Variants in RHOBTB1 observed in about 807,000 individuals in gnomAD.
RHOBTB1 encodes rho-related BTB domain-containing protein 1.
Under a neutral mutation model 71.6 loss-of-function variants are expected in RHOBTB1, and 40 were observed. The observed-to-expected ratio is 0.56, with a 90% CI of 0.43 to 0.73. RHOBTB1 has a LOEUF of 0.73. Among genes scored for constraint, RHOBTB1 ranks in the 30% least tolerant of loss-of-function variants. The pLI, the probability that RHOBTB1 is intolerant of heterozygous loss-of-function variation, is 0.00. For missense variants in RHOBTB1, 797 were observed against 894.0 expected (o/e 0.89, Z 1.38); for synonymous variants, 319 against 334.9 (o/e 0.95, Z 0.52).
At chr10:60,985,206 TAAC>T (rs1188838060) in intron 2 of RHOBTB1, among the ~76,000 whole-genome samples, 1 of 139,008 alleles carries the variant, frequency 7.2e-6, no homozygotes, top group Non-Finnish European at 1.6e-5. Context: ...AGAGTGAAAA[TAAC>T]AAATAATTTT....
chr10:60,924,434 A>AG (rs768445947), intron 2 of RHOBTB1, among the ~76,000 whole-genome samples: 6 of 152,210 alleles, frequency 3.9e-5, no homozygotes, highest in Non-Finnish European at 8.8e-5. Context: ...TATAATGACA[A>AG]AGGGGTCAAT....
intron 2 of RHOBTB1, among the ~76,000 whole-genome samples, chr10:60,930,048 T>C (rs1375985869): frequency 2.0e-5 from 3 of 152,140 alleles, no homozygotes; most frequent in African/African-American, 7.2e-5. Context: ...AAGGAAAAGC[T>C]CTATAATATG....
chr10:60,942,859 A>ATTTTTTTTTT, intron 1 of RHOBTB1, among the ~76,000 whole-genome samples: 1 of 148,318 alleles, frequency 6.7e-6, no homozygotes, highest in Non-Finnish European at 1.5e-5. Context: ...CGATAACGGT[A>ATTTTTTTTTT]TTTTTTTTTT....
intron 2 of RHOBTB1, among the ~76,000 whole-genome samples, chr10:60,973,972 A>T (rs2086241469): frequency 6.6e-6 from 1 of 152,060 alleles, no homozygotes; most frequent in African/African-American, 2.4e-5. Context: ...GAATGACCTT[A>T]TTAAACTAAA....
At chr10:60,927,950 C>A (rs1005982716) in intron 2 of RHOBTB1, among the ~76,000 whole-genome samples, 2 of 151,928 alleles carry the variant, frequency 1.3e-5, no homozygotes, top group Non-Finnish European at 2.9e-5. Context: ...GGATTAATAA[C>A]CAGAATATAT....
At chr10:60,965,243 T>C (rs1341223871) in intron 2 of RHOBTB1, among the ~76,000 whole-genome samples, 1 of 152,028 alleles carries the variant, frequency 6.6e-6, no homozygotes, top group Non-Finnish European at 1.5e-5. Flanking sequence ...AATGCTTAGG[T>C]TTTATATATA....
At chr10:61,001,306 T>C (rs1007381872) in intron 1 of RHOBTB1, 1 of 151,874 alleles carries the variant, frequency 6.6e-6, no homozygotes, top group African/African-American at 2.4e-5. Flanking sequence ...GGACTGCGGG[T>C]GGGCAGAGAG....
At chr10:60,997,223 C>G (rs935240605) in intron 1 of RHOBTB1, among the ~76,000 whole-genome samples, 1 of 152,090 alleles carries the variant, frequency 6.6e-6, no homozygotes, top group Non-Finnish European at 1.5e-5. Flanking sequence ...TAAAAATATC[C>G]TCTTAGGAAG....
chr10:60,974,777 G>T (rs118056323), intron 2 of RHOBTB1, among the ~76,000 whole-genome samples: 4 of 152,070 alleles, frequency 2.6e-5, no homozygotes, highest in Admixed American at 2.6e-4. Flanking sequence ...TTACTTACTG[G>T]TTGCAGGAAC....
chr10:60,979,727 G>A (rs2086431257), intron 2 of RHOBTB1, among the ~76,000 whole-genome samples: 1 of 152,170 alleles, frequency 6.6e-6, no homozygotes, highest in Non-Finnish European at 1.5e-5. Flanking sequence ...AAGTTGGCAA[G>A]TATCAAAGAG....
intron 2 of RHOBTB1, among the ~76,000 whole-genome samples, chr10:60,949,799 T>C (rs112906192): frequency 0.012 from 1,811 of 152,194 alleles, 39 homozygotes; most frequent in African/African-American, 0.041. Context: ...CATTAGATAC[T>C]GTGTACTTTT....
intron 2 of RHOBTB1, among the ~76,000 whole-genome samples, chr10:60,952,639 T>C (rs2085453264): frequency 6.6e-6 from 1 of 152,230 alleles, no homozygotes; most frequent in Admixed American, 6.5e-5. Flanking sequence ...TAGCATTTCA[T>C]ATTTACCCTT....
chr10:60,930,589 T>C (rs558573880), intron 2 of RHOBTB1, among the ~76,000 whole-genome samples: 1 of 152,296 alleles, frequency 6.6e-6, no homozygotes, highest in Admixed American at 6.5e-5. Context: ...CAGAGTGACA[T>C]AGCAGAAAGA....
Position 60,910,895 on chromosome 10 carries a change from T to C in RHOBTB1, c.288A>G (p.Ala96=), listed in dbSNP as rs749541978. 17 of 1,613,246 alleles carry C rather than the reference T, an allele frequency of 1.1e-5. No homozygotes were observed. The highest frequency in any genetic ancestry group is 1.4e-5 in the Non-Finnish European group (17 of 1,179,270). ...TACTAGTCTTGGTTTACCTGCCATA[T>C]GCAAAGCGTCTGTCTTTGTGATGAT... ...FGDHHKDRRF[A]YGRSDVVVLC... Residue 96 remains alanine, a synonymous_variant, in exon 4 of 11, where the codon GCA becomes GCG. Coordinates refer to ENST00000337910, the MANE Select transcript of RHOBTB1 (RefSeq NM_014836.5).
chr10:60,955,972 T>C (rs2134451206), intron 2 of RHOBTB1, among the ~76,000 whole-genome samples: 1 of 152,318 alleles, frequency 6.6e-6, no homozygotes, highest in Admixed American at 6.5e-5. Context: ...ACAGTGGGCC[T>C]CATTTGTTAA....
the RHOBTB1 span, among the ~76,000 whole-genome samples, chr10:60,864,016 C>A: frequency 2.0e-5 from 3 of 152,296 alleles, no homozygotes; most frequent in East Asian, 5.8e-4. Flanking sequence ...ACTGCCTGAG[C>A]ACTTAGCCTT....
intron 7 of RHOBTB1, among the ~76,000 whole-genome samples, chr10:60,881,125 G>A (rs1012502665): frequency 2.0e-5 from 3 of 152,130 alleles, no homozygotes; most frequent in Non-Finnish European, 4.4e-5. Flanking sequence ...TTTATAAGGG[G>A]TTTCCCCTTT....
At chr10:60,921,324 G>T (rs2083551173) in intron 2 of RHOBTB1, among the ~76,000 whole-genome samples, 2 of 152,156 alleles carry the variant, frequency 1.3e-5, no homozygotes, top group South Asian at 4.2e-4. Flanking sequence ...GAGGGCAGGG[G>T]TGCAATGGCA....
chr10:60,971,129 T>G (rs2086141356), intron 2 of RHOBTB1, among the ~76,000 whole-genome samples: 1 of 152,046 alleles, frequency 6.6e-6, no homozygotes. Flanking sequence ...TTTAAGTAAA[T>G]TATCCATCTG....
Sources: gnomAD v4.1 joint callset for allele counts (sites outside exome capture counted in the v4.1 genomes callset) on GRCh38, gnomAD v4.1.1 for gene constraint, MANE v1.5 for transcripts, NCBI Gene and HGNC (gene_info 2026-07-23, HGNC 2026-07-21) for gene names.